The following DIP2C variants were observed in gnomAD, a reference collection of about 807,000 sequenced individuals.
DIP2C encodes the protein DIP2 acetate--CoA ligase C (putative), also known as disco-interacting protein 2 homolog C.
A neutral mutation model predicts 192.4 loss-of-function variants in DIP2C; 33 were observed. The observed-to-expected ratio is 0.17, with a 90% CI of 0.13 to 0.23. The LOEUF is 0.23. DIP2C is among the 10% of genes least tolerant of loss of function. The pLI is 1.00. For synonymous variants in DIP2C, 979 were observed against 864.1 expected (o/e 1.13, Z -2.33); for missense variants, 1,537 against 2,110.1 (o/e 0.73, Z 5.32).
intron 1 of DIP2C, among the ~76,000 whole-genome samples, chr10:495,122 G>A (rs1241593132): frequency 2.0e-5 from 3 of 152,116 alleles, no homozygotes; most frequent in Non-Finnish European, 4.4e-5. Flanking sequence ...AATAAAACAG[G>A]CACAGAAATA....
chr10:593,106 C>T (rs1002935509), intron 1 of DIP2C, among the ~76,000 whole-genome samples: 4 of 151,960 alleles, frequency 2.6e-5, no homozygotes, highest in African/African-American at 9.7e-5. Flanking sequence ...GCCTGCAATC[C>T]CAGCACTGAG....
chr10:357,620 T>C (rs896170607), intron 23 of DIP2C, among the ~76,000 whole-genome samples: 1 of 152,212 alleles, frequency 6.6e-6, no homozygotes, highest in Non-Finnish European at 1.5e-5. Context: ...AAGGAAGATC[T>C]GCAGTGGTGG....
At chr10:498,054 A>G in intron 1 of DIP2C, among the ~76,000 whole-genome samples, 1 of 152,064 alleles carries the variant, frequency 6.6e-6, no homozygotes, top group South Asian at 2.1e-4. Flanking sequence ...TATTTTTTGT[A>G]GAGATGGGGT....
intron 1 of DIP2C, among the ~76,000 whole-genome samples, chr10:676,028 A>G (rs919297092): frequency 6.6e-6 from 1 of 152,196 alleles, no homozygotes; most frequent in Admixed American, 6.5e-5. Flanking sequence ...ATACTAACAA[A>G]CTGAATCCAA....
rs201495376 is a variant in DIP2C, at chr10:327,159, C to T, written c.3771G>A (p.Leu1257=). ...TESLKARGLD[L]SRVRTCVVVA... The stretch of plus-strand genomic sequence containing the variant: ...CAACCACGCAGGTCCTCACTCGGGA[C>T]AAGTCCAGCCCTCGCGCCTGGAGAT... The change falls in exon 31 of 37, where the codon TTG becomes TTA. Residue 1257 remains leucine, a synonymous_variant. Coordinates refer to ENST00000280886, the MANE Select transcript of DIP2C (RefSeq NM_014974.3). The T allele has an allele frequency of 1.5e-4, 243 of 1,613,938 alleles. No homozygotes were observed. Among genetic ancestry groups the T allele is most frequent in the African/African-American group, 1.9e-4 (14 of 75,036 alleles).
intron 3 of DIP2C, among the ~76,000 whole-genome samples, chr10:468,853 A>G (rs778110679): frequency 2.0e-5 from 3 of 152,238 alleles, no homozygotes; most frequent in Admixed American, 6.5e-5. Flanking sequence ...GCTTTCCATT[A>G]TATCTCAAAT....
At chr10:612,920 G>A (rs569651519) in intron 1 of DIP2C, among the ~76,000 whole-genome samples, 1 of 152,296 alleles carries the variant, frequency 6.6e-6, no homozygotes, top group East Asian at 1.9e-4. Context: ...ACTGTTAAAT[G>A]CATGTAAAAT....
rs150860898 is a variant in DIP2C, at chr10:416,910, G to A, written c.740-1022C>T. 9.1e-4 allele frequency among the ~76,000 whole-genome samples: 139 copies of A among 152,238 alleles called. 2 individuals are homozygous for A. The South Asian group carries it at 0.016, about 17-fold the overall frequency. On this transcript the variant is annotated intron_variant, in intron 6 of 36. Coordinates refer to ENST00000280886, the MANE Select transcript of DIP2C (RefSeq NM_014974.3). ...TGAGGCAGAGCCCTTGTTCGCCCCC[G>A]CACTGGACCATAAAAAACAGACTTC...
At chr10:514,661 T>C (rs1296288350) in intron 1 of DIP2C, among the ~76,000 whole-genome samples, 1 of 152,104 alleles carries the variant, frequency 6.6e-6, no homozygotes, top group Non-Finnish European at 1.5e-5. Context: ...CCCTCACCAC[T>C]GCTGCCAACA....
At chr10:578,216 AAAG>A (rs745428011) in intron 1 of DIP2C, among the ~76,000 whole-genome samples, 13 of 152,348 alleles carry the variant, frequency 8.5e-5, no homozygotes, top group South Asian at 8.3e-4. Flanking sequence ...CAACGTTAAC[AAAG>A]AAGATACTGC....
rs1033973739 is a variant in DIP2C, at chr10:612,832, T to C, written c.85+76662A>G. Among the ~76,000 whole-genome samples, 3 of 152,294 alleles carry C rather than the reference T, an allele frequency of 2.0e-5. No homozygotes were observed. In the East Asian group the frequency reaches 5.8e-4, roughly 29 times the overall value. Reference sequence around the variant, plus strand: ...CGCTCCACAGAAGCAAGTATTCTCTTCCGGAAAGTCAAGAAGTGTCAGGTT... The same window carrying C: ...CGCTCCACAGAAGCAAGTATTCTCTCCCGGAAAGTCAAGAAGTGTCAGGTT... On this transcript the variant is annotated intron_variant, in intron 1 of 36. Coordinates refer to ENST00000280886, the MANE Select transcript of DIP2C (RefSeq NM_014974.3).
chr10:604,966 A>G (rs1307379275), intron 1 of DIP2C, among the ~76,000 whole-genome samples: 1 of 152,174 alleles, frequency 6.6e-6, no homozygotes, highest in Non-Finnish European at 1.5e-5. Context: ...GGGTGCGGGG[A>G]AAAGGCCATC....
chr10:608,821 GTCT>G (rs1316580360), intron 1 of DIP2C, among the ~76,000 whole-genome samples: 4 of 148,942 alleles, frequency 2.7e-5, no homozygotes, highest in Non-Finnish European at 5.9e-5. Context: ...CCATTGCTTA[GTCT>G]TCTTAGAGGA....
chr10:586,140 C>G (rs1851006971), intron 1 of DIP2C, among the ~76,000 whole-genome samples: 1 of 152,128 alleles, frequency 6.6e-6, no homozygotes, highest in Non-Finnish European at 1.5e-5. Flanking sequence ...CGTCTTCATT[C>G]CACGTTTCCT....
chr10:436,475 C>CCG (rs1967211997), intron 4 of DIP2C, among the ~76,000 whole-genome samples: 1 of 152,128 alleles, frequency 6.6e-6, no homozygotes, highest in South Asian at 2.1e-4. Flanking sequence ...GTGGCATGCT[C>CCG]CGCCCACACC....
chr10:527,325 C>T (rs1218155415), intron 1 of DIP2C, among the ~76,000 whole-genome samples: 1 of 152,190 alleles, frequency 6.6e-6, no homozygotes, highest in Non-Finnish European at 1.5e-5. Flanking sequence ...TTGTTCTGCT[C>T]CACACACCTC....
intron 1 of DIP2C, among the ~76,000 whole-genome samples, chr10:535,319 G>T (rs1466263870): frequency 6.6e-6 from 1 of 151,724 alleles, no homozygotes; most frequent in Non-Finnish European, 1.5e-5. Flanking sequence ...CGAGAGGGGC[G>T]CTGTGGAAAC....
intron 1 of DIP2C, among the ~76,000 whole-genome samples, chr10:568,579 G>C (rs951453210): frequency 6.6e-6 from 1 of 151,528 alleles, no homozygotes; most frequent in Admixed American, 6.6e-5. Flanking sequence ...CATCCTGGCT[G>C]ACACGGTGAA....
At position 478,778 on chromosome 10, in the gene DIP2C, C is replaced by T. The variant is rs1174013854; in HGVS notation, c.158-6229G>A. On this transcript the variant is annotated intron_variant, in intron 2 of 36. Transcript: ENST00000280886. ...TATTCTCACTCATCGCGTGTCCAGG[C>T]GTGCAGATACATCCAAATTCCCATC... is the stretch of plus-strand genomic sequence containing the variant. Among the ~76,000 whole-genome samples, 6 of 147,180 alleles carry T rather than the reference C, an allele frequency of 4.1e-5. No homozygotes were observed. In the East Asian group the frequency reaches 1.2e-3, roughly 30 times the overall value.
Sources: gnomAD v4.1 joint callset for allele counts (sites outside exome capture counted in the v4.1 genomes callset) on GRCh38, gnomAD v4.1.1 for gene constraint, MANE v1.5 for transcripts, NCBI Gene and HGNC (gene_info 2026-07-23, HGNC 2026-07-21) for gene names.